RIPOR2: variants seen among roughly 807,000 people sequenced by gnomAD.
RIPOR2 encodes RHO family interacting cell polarization regulator 2, also known as rho family-interacting cell polarization regulator 2.
A neutral mutation model predicts 114.5 loss-of-function variants in RIPOR2; 39 were observed. That is an observed-to-expected ratio of 0.34 (90% CI 0.26 to 0.44). RIPOR2 has a LOEUF of 0.44. Ranked by LOEUF, RIPOR2 falls within the 20% of genes least tolerant of loss-of-function variation. The pLI is 1.00. For synonymous variants in RIPOR2, 445 were observed against 484.4 expected (o/e 0.92, Z 1.07); for missense variants, 1,007 against 1,255.1 (o/e 0.80, Z 2.99).
At position 24,828,249 on chromosome 6, in the gene RIPOR2, C is replaced by T. The variant is rs1450571908; in HGVS notation, c.2553G>A (p.Leu851=). ...CTTCCGAGGACAGGCTGGAGGAAAG[C>T]AGAGGCTCAGCCCGGTCCAGAATTT... The part of the protein sequence containing the change: ...VSQILDRAEP[L]LSSSLSSEVV... The change falls in exon 18 of 22, where the codon CTG becomes CTA. Residue 851 remains leucine (L), a synonymous_variant. Coordinates refer to ENST00000643898, the MANE Select transcript of RIPOR2 (RefSeq NM_001286445.3). 1 of 1,551,182 alleles carries T rather than the reference C, an allele frequency of 6.4e-7. No homozygotes were observed. Among genetic ancestry groups the T allele is most frequent in the Admixed American group, 2.0e-5 (1 of 50,978 alleles).
chr6:25,022,683 C>T (rs1182563755), intron 1 of RIPOR2, among the ~76,000 whole-genome samples: 1 of 151,092 alleles, frequency 6.6e-6, no homozygotes, highest in Non-Finnish European at 1.5e-5. Context: ...AGTAGCTAGA[C>T]TACAGGTGTG....
intron 8 of RIPOR2, among the ~76,000 whole-genome samples, chr6:24,857,325 T>C (rs1400259260): frequency 6.6e-6 from 1 of 152,170 alleles, no homozygotes; most frequent in Admixed American, 6.5e-5. Context: ...GAAAGCTTAA[T>C]GAAAGCTTTC....
intron 1 of RIPOR2, among the ~76,000 whole-genome samples, chr6:24,878,414 TC>T (rs968813843): frequency 6.6e-6 from 1 of 152,232 alleles, no homozygotes; most frequent in African/African-American, 2.4e-5. Flanking sequence ...CCTTAATGTC[TC>T]AATTTGGCAA....
At chr6:24,974,207 G>C (rs181089011) in intron 1 of RIPOR2, among the ~76,000 whole-genome samples, 35 of 152,204 alleles carry the variant, frequency 2.3e-4, no homozygotes, top group Non-Finnish European at 3.5e-4. Context: ...AACATAGTGA[G>C]ACCTCCTCTC....
intron 6 of RIPOR2, among the ~76,000 whole-genome samples, chr6:24,867,270 A>G (rs1764698692): frequency 6.6e-6 from 1 of 152,150 alleles, no homozygotes; most frequent in Non-Finnish European, 1.5e-5. Context: ...CTTTTGGTTG[A>G]TGGTTGGCAT....
At chr6:24,900,068 G>A (rs1210536383) in intron 1 of RIPOR2, among the ~76,000 whole-genome samples, 3 of 152,170 alleles carry the variant, frequency 2.0e-5, no homozygotes, top group Non-Finnish European at 2.9e-5. Flanking sequence ...CTCAGCCTAC[G>A]TGGACAGTCT....
At chr6:24,853,126 G>A (rs532673394) in intron 8 of RIPOR2, among the ~76,000 whole-genome samples, 2 of 152,230 alleles carry the variant, frequency 1.3e-5, no homozygotes, top group Admixed American at 6.5e-5. Context: ...TTTATCTGGT[G>A]TAATGATACA....
chr6:24,869,058 T>A (rs181551152), intron 6 of RIPOR2, 36 bp downstream of exon 6: 277 of 1,309,710 alleles, frequency 2.1e-4, no homozygotes, highest in Middle Eastern at 2.0e-3. Context: ...GCAACAGAAC[T>A]GAAAAACAGG....
chr6:24,910,473 C>A (rs1769447601), intron 1 of RIPOR2: 1 of 152,640 alleles, frequency 6.6e-6, no homozygotes, highest in Admixed American at 6.5e-5. Flanking sequence ...CACACCCCTC[C>A]CTGACTCCCG....
intron 1 of RIPOR2, among the ~76,000 whole-genome samples, chr6:25,034,478 T>C (rs1777145443): frequency 6.6e-6 from 1 of 152,168 alleles, no homozygotes; most frequent in Non-Finnish European, 1.5e-5. Context: ...TTCCCTAAGA[T>C]CCTCCTTACC....
chr6:25,031,428 G>A (rs1776922948), intron 1 of RIPOR2: 1 of 151,740 alleles, frequency 6.6e-6, no homozygotes, highest in African/African-American at 2.4e-5. Context: ...TTGTTGTGGT[G>A]GTTACACGAC....
chr6:24,806,289 TA>T lies in RIPOR2; in HGVS notation c.*83del. On this transcript the variant is annotated 3_prime_UTR_variant, in exon 22 of 22. Coordinates refer to ENST00000643898, the MANE Select transcript of RIPOR2 (RefSeq NM_001286445.3). ...TTCAGTTGTCGTGTCTCTCAGGCTC[TA>T]AACAATTTCCAGCCCAAACCACAGC... 2 of 975,432 alleles carry T rather than the reference TA, an allele frequency of 2.1e-6. No individual in the cohort carries two copies. The highest frequency in any genetic ancestry group is 3.2e-6 in the Non-Finnish European group (2 of 633,060). The allele number at this position is 975,432 out of a possible 1,614,324, so 60.4% of individuals were successfully genotyped here.
upstream of RIPOR2, among the ~76,000 whole-genome samples, chr6:24,936,301 A>G (rs1026732714): frequency 6.6e-6 from 1 of 152,228 alleles, no homozygotes; most frequent in African/African-American, 2.4e-5. Context: ...GAGGGAGTTC[A>G]TATTTCTCAT....
rs372356246 is a variant in RIPOR2 at position 24,954,455 on chromosome 6, C to CTTTTTTTTTT, written c.77-78639_77-78638insAAAAAAAAAA. On this transcript the variant is annotated intron_variant, in intron 1 of 13. Coordinates refer to the RIPOR2 transcript ENST00000510784. ...AACTGTGCAGGCCCAGTCTCTCTCT[C>CTTTTTTTTTT]CTTTTTTTTTTTTTTTTTGAGACAG... is the stretch of plus-strand genomic sequence containing the variant. 1.4e-4 allele frequency among the ~76,000 whole-genome samples: 16 copies of CTTTTTTTTTT among 116,244 alleles called. 4 individuals carry two copies. Among genetic ancestry groups the CTTTTTTTTTT allele is most frequent in the Non-Finnish European group, 1.4e-4 (8 of 58,470 alleles). 76.3% of individuals were successfully genotyped at this position (116,244 alleles called of 152,430 possible). A position where few individuals can be genotyped will look rare whatever the true frequency, so the allele number is the denominator to read the frequency against.
Position 25,022,531 on chromosome 6 carries a change from C to CTTTTTTTTTTTTTTTTTT in RIPOR2, c.76+19319_76+19320insAAAAAAAAAAAAAAAAAA, listed in dbSNP as rs1561848668. On this transcript the variant is annotated intron_variant, in intron 1 of 13. Coordinates refer to the RIPOR2 transcript ENST00000510784. ...CACATATAACTAATGTGGTACCTTCCATTTTTTTTTTTTTTTTTTTTTTTT... is the reference window on the plus strand; with the variant it reads ...CACATATAACTAATGTGGTACCTTCCTTTTTTTTTTTTTTTTTTATTTTTTTTTTTTTTTTTTTTTTTT... Among the ~76,000 whole-genome samples the CTTTTTTTTTTTTTTTTTT allele has an allele frequency of 3.6e-3, 234 of 64,472 alleles. 23 individuals are homozygous for CTTTTTTTTTTTTTTTTTT. The highest frequency in any genetic ancestry group is 6.8e-3 in the Non-Finnish European group (197 of 28,986). The allele number at this position is 64,472 out of a possible 152,430, so 42.3% of individuals were successfully genotyped here.
At chr6:24,841,066 C>G (rs1562242882) in intron 13 of RIPOR2, among the ~76,000 whole-genome samples, 2 of 152,188 alleles carry the variant, frequency 1.3e-5, no homozygotes, top group South Asian at 4.1e-4. Context: ...TTTGGAACAA[C>G]AGCAGACTGA....
chr6:24,918,167 A>T (rs1288821849), intron 1 of RIPOR2, among the ~76,000 whole-genome samples: 1 of 152,164 alleles, frequency 6.6e-6, no homozygotes, highest in Admixed American at 6.5e-5. Context: ...GCTCCTCCCT[A>T]TGAGGTCACC....
chr6:24,850,011 ATG>A, intron 10 of RIPOR2, 61 bp from the exon 11 acceptor site: 1 of 1,440,690 alleles, frequency 6.9e-7, no homozygotes, highest in Non-Finnish European at 9.5e-7. Flanking sequence ...AGGTAGAATA[ATG>A]TGTCATTTTT....
chr6:24,835,953 C>G, intron 14 of RIPOR2, 82 bp from the exon 15 acceptor site: 5 of 1,265,950 alleles, frequency 3.9e-6, no homozygotes, highest in Non-Finnish European at 5.5e-6. Context: ...GCATCGGGCC[C>G]CAACAGCACC....
Sources: allele counts gnomAD v4.1 joint callset (sites outside exome capture counted in the v4.1 genomes callset), GRCh38; gene constraint gnomAD v4.1.1; transcripts MANE v1.5; gene names NCBI Gene and HGNC (gene_info 2026-07-23, HGNC 2026-07-21).